The following ULK4 variants were observed in gnomAD, a reference collection of about 807,000 sequenced individuals.
ULK4 encodes the protein unc-51 like kinase 4.
Under a neutral mutation model 160.6 loss-of-function variants are expected in ULK4, and 133 were observed. The observed-to-expected ratio is 0.83, with a 90% CI of 0.72 to 0.96. The LOEUF is 0.96. Among genes scored for constraint, ULK4 ranks in the 40% least tolerant of loss-of-function variants. ULK4 has a pLI of 0.00. For missense variants in ULK4, 1,580 were observed against 1,499.5 expected (o/e 1.05, Z -0.89); for synonymous variants, 534 against 539.8 (o/e 0.99, Z 0.15).
chr3:41,581,112 C>T (rs945757503), intron 31 of ULK4, among the ~76,000 whole-genome samples: 17 of 151,986 alleles, frequency 1.1e-4, no homozygotes, highest in Non-Finnish European at 2.5e-4. Context: ...AACCCAAGAA[C>T]AATATAAAAT....
intron 17 of ULK4, among the ~76,000 whole-genome samples, chr3:41,847,794 T>C (rs1393008361): frequency 6.6e-6 from 1 of 152,212 alleles, no homozygotes; most frequent in Non-Finnish European, 1.5e-5. Context: ...GCTGTGTATT[T>C]GATTAAGCCT....
chr3:41,431,018 T>C (rs1402894328), intron 34 of ULK4, among the ~76,000 whole-genome samples: 3 of 152,196 alleles, frequency 2.0e-5, no homozygotes, highest in Non-Finnish European at 4.4e-5. Context: ...ACTGTAGCCA[T>C]AGTAGTCTTT....
chr3:41,549,491 G>T (rs915016335), intron 32 of ULK4, among the ~76,000 whole-genome samples: 1 of 151,766 alleles, frequency 6.6e-6, no homozygotes, highest in Non-Finnish European at 1.5e-5. Flanking sequence ...AACCCAGTCA[G>T]ATAAAAAATA....
chr3:41,654,269 A>G (rs1255828425), intron 30 of ULK4, among the ~76,000 whole-genome samples: 1 of 152,224 alleles, frequency 6.6e-6, no homozygotes, highest in East Asian at 1.9e-4. Flanking sequence ...AAACAAACAC[A>G]TCCAACTATC....
intron 31 of ULK4, among the ~76,000 whole-genome samples, chr3:41,571,920 G>T (rs1352087708): frequency 6.6e-6 from 1 of 152,200 alleles, no homozygotes; most frequent in Admixed American, 6.5e-5. Flanking sequence ...TTGGGACAGG[G>T]TCAGGGGCCC....
chr3:41,394,597 G>T (rs922367911), intron 35 of ULK4, among the ~76,000 whole-genome samples: 3 of 151,980 alleles, frequency 2.0e-5, no homozygotes, highest in Non-Finnish European at 4.4e-5. Flanking sequence ...AAAATAGAAT[G>T]GTCGTATGGG....
intron 34 of ULK4, among the ~76,000 whole-genome samples, chr3:41,450,068 A>G (rs946974761): frequency 6.6e-6 from 1 of 152,004 alleles, no homozygotes; most frequent in African/African-American, 2.4e-5. Context: ...ACCATAGGAA[A>G]TATCTATTTT....
At chr3:41,425,474 A>G (rs540067485) in intron 34 of ULK4, among the ~76,000 whole-genome samples, 3 of 152,294 alleles carry the variant, frequency 2.0e-5, no homozygotes, top group African/African-American at 7.2e-5. Context: ...CCACCATTTC[A>G]ACCCCAAGAC....
chr3:41,353,711 CT>C (rs1559540440), intron 35 of ULK4, among the ~76,000 whole-genome samples: 11 of 129,730 alleles, frequency 8.5e-5, no homozygotes, highest in Non-Finnish European at 1.8e-4. Context: ...ACTACTACTA[CT>C]ACTACTACTA....
At chr3:41,681,935 T>C in intron 27 of ULK4, 131 bp from the exon 28 acceptor site, 1 of 904,086 alleles carries the variant, frequency 1.1e-6, no homozygotes, top group Non-Finnish European at 1.7e-6. Flanking sequence ...AAGTTTATCC[T>C]GGATTTAAAC....
At chr3:41,597,401 A>T (rs1313869077) in intron 31 of ULK4, among the ~76,000 whole-genome samples, 2 of 152,210 alleles carry the variant, frequency 1.3e-5, no homozygotes, top group Non-Finnish European at 2.9e-5. Context: ...AAGACACGGC[A>T]AATTTTACAG....
intron 1 of ULK4, among the ~76,000 whole-genome samples, chr3:41,956,159 G>A (rs1700476796): frequency 6.6e-6 from 1 of 152,158 alleles, no homozygotes; most frequent in South Asian, 2.1e-4. Flanking sequence ...GTCTTGGTTT[G>A]CAACTTTGTA....
intron 35 of ULK4, among the ~76,000 whole-genome samples, chr3:41,341,541 G>A (rs1277111406): frequency 2.0e-5 from 3 of 152,180 alleles, no homozygotes; most frequent in Non-Finnish European, 2.9e-5. Flanking sequence ...CTGACCCACT[G>A]GCCTTGAATA....
chr3:41,570,484 T>A (rs1256640774), intron 31 of ULK4, among the ~76,000 whole-genome samples: 1 of 146,058 alleles, frequency 6.8e-6, no homozygotes, highest in Non-Finnish European at 1.5e-5. Context: ...AAAAACCTTT[T>A]CTTGTGAAGA....
At chr3:41,880,207 T>C (rs1176344250) in intron 17 of ULK4, among the ~76,000 whole-genome samples, 2 of 152,180 alleles carry the variant, frequency 1.3e-5, no homozygotes, top group African/African-American at 4.8e-5. Flanking sequence ...ACTAAATATA[T>C]TGGCTTAATA....
intron 12 of ULK4, among the ~76,000 whole-genome samples, chr3:41,905,377 A>T (rs1048746904): frequency 2.0e-4 from 31 of 152,256 alleles, no homozygotes; most frequent in South Asian, 6.2e-4. Flanking sequence ...TAAAACTATA[A>T]AACTCTTAGA....
intron 34 of ULK4, among the ~76,000 whole-genome samples, chr3:41,414,874 C>A (rs560481143): frequency 6.6e-6 from 1 of 152,284 alleles, no homozygotes; most frequent in Admixed American, 6.5e-5. Context: ...CCTTTGATCC[C>A]AGGTACACTA....
chr3:41,465,122 C>CAAT (rs2083796474), intron 32 of ULK4, among the ~76,000 whole-genome samples: 1 of 152,116 alleles, frequency 6.6e-6, no homozygotes, highest in African/African-American at 2.4e-5. Flanking sequence ...CCAGCAAAAC[C>CAAT]CATTAATATG....
At chr3:41,624,616 GATTTGACTAATTATGTAGCTCTAAACATA>G (rs1200473743) in intron 30 of ULK4, among the ~76,000 whole-genome samples, 1 of 151,932 alleles carries the variant, frequency 6.6e-6, no homozygotes, top group Non-Finnish European at 1.5e-5. Flanking sequence ...TTTGTTCTTT[GATTTGACTAATTATGTAGCTCTAAACATA>G]ATTTAGAGCT....
Sources: allele counts gnomAD v4.1 joint callset (sites outside exome capture counted in the v4.1 genomes callset), GRCh38; gene constraint gnomAD v4.1.1; transcripts MANE v1.5; gene names NCBI Gene and HGNC (gene_info 2026-07-23, HGNC 2026-07-21).